The following MRAP variants were observed in gnomAD, a reference collection of about 807,000 sequenced individuals.
The protein encoded by MRAP is melanocortin 2 receptor accessory protein.
Under a neutral mutation model 8.7 loss-of-function variants are expected in MRAP, and 8 were observed. The observed-to-expected ratio is 0.92, with a 90% CI of 0.54 to 1.66. The LOEUF (loss-of-function observed/expected upper bound fraction) is 1.66, where lower values mean the gene tolerates loss of function less well. MRAP is among the 40% of genes most tolerant of loss of function. MRAP has a pLI of 0.00. For synonymous variants in MRAP, 95 were observed against 95.5 expected (o/e 1.00, Z 0.03); for missense variants, 237 against 217.1 (o/e 1.09, Z -0.58).
intron 2 of MRAP, among the ~76,000 whole-genome samples, chr21:32,309,354 C>T (rs538739773): frequency 5.3e-5 from 8 of 152,238 alleles, no homozygotes; most frequent in South Asian, 4.1e-4. Context: ...CTGCCCTGCC[C>T]GTGGTGTCTC....
intron 1 of MRAP, among the ~76,000 whole-genome samples, chr21:32,300,633 G>A (rs145079790): frequency 8.8e-5 from 12 of 135,890 alleles, no homozygotes; most frequent in South Asian, 2.3e-4. Flanking sequence ...TGTCAGATGC[G>A]TCACACGTCC....
intron 2 of MRAP, among the ~76,000 whole-genome samples, chr21:32,308,055 C>T (rs960894090): frequency 1.3e-5 from 2 of 152,048 alleles, no homozygotes; most frequent in African/African-American, 4.8e-5. Context: ...TAAGTCTTGC[C>T]GGCCAGCTCA....
At position 32,312,134 on chromosome 21, in the gene MRAP, A is replaced by C; in HGVS notation, c.*138A>C. The C allele has an allele frequency of 1.3e-6, 2 of 1,541,422 alleles. No individual in the cohort carries two copies. Among genetic ancestry groups the C allele is most frequent in the Non-Finnish European group, 1.7e-6 (2 of 1,149,240 alleles). On this transcript the variant is annotated 3_prime_UTR_variant, in exon 3 of 3. Coordinates refer to ENST00000303645, the MANE Select transcript of MRAP (RefSeq NM_001379228.1). The stretch of plus-strand genomic sequence containing the variant: ...GGTCAAGTGCAACTAGAGCAGGAGC[A>C]TCCTATGCCTTTGACAAAGATTGCA...
At chr21:32,305,699 C>T (rs192541485) in intron 1 of MRAP, among the ~76,000 whole-genome samples, 45 of 152,228 alleles carry the variant, frequency 3.0e-4, no homozygotes, top group Admixed American at 1.4e-3. Flanking sequence ...CACACATAGG[C>T]GTCTAGAATA....
intron 1 of MRAP, among the ~76,000 whole-genome samples, chr21:32,292,812 C>T (rs1407781654): frequency 6.6e-6 from 1 of 151,702 alleles, no homozygotes; most frequent in Non-Finnish European, 1.5e-5. Flanking sequence ...TAAAATGTAA[C>T]TTTTATAGCA....
intron 1 of MRAP, among the ~76,000 whole-genome samples, chr21:32,301,182 T>A (rs2032292321): frequency 6.6e-6 from 1 of 152,170 alleles, no homozygotes; most frequent in African/African-American, 2.4e-5. Flanking sequence ...CAGGATGGTC[T>A]CGATCTCCTG....
upstream of MRAP, among the ~76,000 whole-genome samples, chr21:32,295,214 T>TA (rs2032118561): frequency 6.6e-6 from 1 of 152,144 alleles, no homozygotes; most frequent in African/African-American, 2.4e-5. Context: ...TAGAAAGCTT[T>TA]AGAGCAGGAA....
At chr21:32,310,758 T>C (rs1319255708) in intron 2 of MRAP, among the ~76,000 whole-genome samples, 1 of 152,004 alleles carries the variant, frequency 6.6e-6, no homozygotes, top group African/African-American at 2.4e-5. Flanking sequence ...GTGATTCTCC[T>C]GCCTCAGCCT....
chr21:32,314,501 C>A, downstream of MRAP: 1 of 1,543,462 alleles, frequency 6.5e-7, no homozygotes, highest in Non-Finnish European at 9.0e-7. Context: ...AAACTTTAAA[C>A]ATCTCTCTTC....
intron 1 of MRAP, among the ~76,000 whole-genome samples, chr21:32,305,084 G>A (rs1441242055): frequency 1.4e-5 from 2 of 145,704 alleles, no homozygotes; most frequent in Non-Finnish European, 3.0e-5. Context: ...GTGATCCTCC[G>A]ACCCCAGCCT....
intron 2 of MRAP, among the ~76,000 whole-genome samples, chr21:32,310,650 T>C (rs1260861743): frequency 3.3e-5 from 5 of 151,354 alleles, no homozygotes; most frequent in Non-Finnish European, 7.4e-5. Flanking sequence ...TTTCTTTTTT[T>C]TTTCTTTTTT....
chr21:32,294,494 C>T (rs2032104931), upstream of MRAP, among the ~76,000 whole-genome samples: 1 of 152,164 alleles, frequency 6.6e-6, no homozygotes, highest in African/African-American at 2.4e-5. Context: ...TGGCTATTCA[C>T]ATATCTTTCT....
At chr21:32,305,691 C>T (rs1044521199) in intron 1 of MRAP, among the ~76,000 whole-genome samples, 5 of 152,172 alleles carry the variant, frequency 3.3e-5, no homozygotes, top group African/African-American at 9.7e-5. Flanking sequence ...TTTGGTCACA[C>T]ACATAGGCGT....
At chr21:32,313,398 A>G (rs577353560), downstream of MRAP, 14 of 152,284 alleles carry the variant, frequency 9.2e-5, no homozygotes, top group Non-Finnish European at 2.1e-4. Flanking sequence ...GCTTTGTTGG[A>G]GCAGCGCTTG....
At position 32,309,108 on chromosome 21, in the gene MRAP, G is replaced by A. The variant is rs1032314353; in HGVS notation, c.206+2369G>A. 3.3e-5 allele frequency among the ~76,000 whole-genome samples: 5 copies of A among 152,276 alleles called. No homozygotes were observed. In the South Asian group the frequency reaches 1.0e-3, roughly 32 times the overall value. On this transcript the variant is annotated intron_variant, in intron 2 of 2. Coordinates refer to ENST00000303645, the MANE Select transcript of MRAP (RefSeq NM_001379228.1). ...GGCTTATTTAGCTCATGGTTCTGAAGGCTTAGAAGTCTAGGAAGCATGGCA... is the reference window on the plus strand; with the variant it reads ...GGCTTATTTAGCTCATGGTTCTGAAAGCTTAGAAGTCTAGGAAGCATGGCA...
chr21:32,314,748 G>T (rs111401706), downstream of MRAP: 221 of 1,451,314 alleles, frequency 1.5e-4, no homozygotes, highest in African/African-American at 2.7e-3. Flanking sequence ...CATTTACTGG[G>T]CAGTTCAATA....
At chr21:32,292,702 C>T (rs1047933573) in intron 1 of MRAP, among the ~76,000 whole-genome samples, 2 of 152,000 alleles carry the variant, frequency 1.3e-5, no homozygotes, top group Admixed American at 1.3e-4. Context: ...GGTAATTCAC[C>T]TGCCTTTGCC....
At chr21:32,299,492 G>T (rs946726272) in intron 1 of MRAP, among the ~76,000 whole-genome samples, 1 of 151,910 alleles carries the variant, frequency 6.6e-6, no homozygotes, top group Admixed American at 6.6e-5. Flanking sequence ...ATGCTACCAC[G>T]CCTGGTTAAT....
At chr21:32,298,722 G>T (rs368371840), upstream of MRAP, 180 of 462,216 alleles carry the variant, frequency 3.9e-4, no homozygotes, top group African/African-American at 2.9e-3. Flanking sequence ...TCTGCTCTGT[G>T]TGCTTTGGAG....
Sources: allele counts gnomAD v4.1 joint callset (sites outside exome capture counted in the v4.1 genomes callset), GRCh38; gene constraint gnomAD v4.1.1; transcripts MANE v1.5; gene names NCBI Gene and HGNC (gene_info 2026-07-23, HGNC 2026-07-21).